NFATC1: variants seen among roughly 807,000 people sequenced by gnomAD.
The protein encoded by NFATC1 is nuclear factor of activated T cells 1.
A neutral mutation model predicts 76.0 loss-of-function variants in NFATC1; 22 were observed. The ratio of observed to expected loss-of-function variants is 0.29; its 90% CI spans 0.21 to 0.41. NFATC1 has a LOEUF of 0.41. Ranked by LOEUF, NFATC1 falls within the 10% of genes least tolerant of loss-of-function variation. The probability of loss-of-function intolerance (pLI) is 1.00; values close to 1 mark genes in which losing one functional copy is unlikely to be tolerated. For missense variants in NFATC1, 1,357 were observed against 1,337.7 expected (o/e 1.01, Z -0.23); for synonymous variants, 704 against 613.1 (o/e 1.15, Z -2.19).
chr18:79,471,469 T>A (rs548639004), intron 8 of NFATC1, among the ~76,000 whole-genome samples: 1 of 152,198 alleles, frequency 6.6e-6, no homozygotes, highest in East Asian at 1.9e-4. Flanking sequence ...AACGAGAAAA[T>A]AAAACATGAC....
chr18:79,480,969 C>A (rs939213435), intron 8 of NFATC1, among the ~76,000 whole-genome samples: 1 of 152,250 alleles, frequency 6.6e-6, no homozygotes, highest in Admixed American at 6.5e-5. Context: ...CTGAAAATTA[C>A]CAGCCTAATT....
At position 79,405,493 on chromosome 18, in the gene NFATC1, C is replaced by T. The variant is rs557506153; in HGVS notation, c.128-4910C>T. On this transcript the variant is annotated intron_variant, in intron 1 of 9. Coordinates refer to ENST00000427363, the MANE Select transcript of NFATC1 (RefSeq NM_001278669.2). ...TAGTTAAATAACTCAGATTTGAATA[C>T]GGTTTAGGTGGGTCATGAAACCAAA... Among the ~76,000 whole-genome samples the T allele has an allele frequency of 1.3e-4, 20 of 152,322 alleles. No individual in the cohort carries two copies. The South Asian group carries it at 3.1e-3, about 24-fold the overall frequency.
chr18:79,456,023 A>G (rs1308312114), intron 6 of NFATC1, among the ~76,000 whole-genome samples: 2 of 152,192 alleles, frequency 1.3e-5, no homozygotes, highest in Admixed American at 6.5e-5. Context: ...GGGCCTTTCC[A>G]AGGCTGCCCT....
At chr18:79,443,443 C>T (rs888048244) in intron 3 of NFATC1, among the ~76,000 whole-genome samples, 10 of 152,238 alleles carry the variant, frequency 6.6e-5, no homozygotes, top group Admixed American at 3.3e-4. Context: ...CAGGGCCTCT[C>T]GTGCAGGAAA....
intron 8 of NFATC1, among the ~76,000 whole-genome samples, chr18:79,473,894 C>T (rs2088900909): frequency 6.8e-6 from 1 of 146,558 alleles, no homozygotes; most frequent in Admixed American, 6.7e-5. Context: ...CTCACACTCA[C>T]TGTCGACGTT....
rs745948316 is a variant in NFATC1, at chr18:79,410,942, C to T, written c.667C>T (p.Arg223Cys). 1.6e-5 allele frequency: 25 copies of T among 1,603,166 alleles called. No individual in the cohort carries two copies. Among genetic ancestry groups the T allele is most frequent in the South Asian group, 2.2e-5 (2 of 89,796 alleles). ...CACGGACCCCGAGGAGGGCTTTCCC[C>T]GCGGGCTGGGGGCCTGCACACTGCT... ...KTTDPEEGFPRGLGACTLLGS... is the reference protein window; with the variant it reads ...KTTDPEEGFPCGLGACTLLGS... Residue 223 changes from arginine to cysteine, a missense_variant, in exon 2 of 10, where the codon CGC becomes TGC. Physicochemically the swap from Arg to Cys is radical, Grantham distance 180 (BLOSUM62 -3). Coordinates refer to ENST00000427363, the MANE Select transcript of NFATC1 (RefSeq NM_001278669.2). The surrounding 1 kb of genome is among the most constrained non-coding windows in gnomAD (Gnocchi z 6.7).
In NFATC1 at chr18:79,410,457, C is replaced by T. The variant is rs770793812; in HGVS notation, c.182C>T (p.Ala61Val). ...AGCCCCGCCCTGCCGCTCCCCACGG[C>T]GCACTCCACCCTGCCGGCCCCGTGC... is the stretch of plus-strand genomic sequence containing the variant. ...NVSPALPLPT[A>V]HSTLPAPCHN... Residue 61 changes from alanine to valine, a missense_variant, in exon 2 of 10, where the codon GCG becomes GTG. Ala to Val is a moderately conservative substitution (Grantham distance 64). This residue lies in a region of NFATC1 where 691 missense variants were observed against 613.1 expected (regional missense o/e 1.13). Transcript: ENST00000427363. The surrounding 1 kb of genome is among the most constrained non-coding windows in gnomAD (Gnocchi z 6.7). 3.1e-6 allele frequency: 5 copies of T among 1,612,270 alleles called. No homozygotes were observed. Among genetic ancestry groups the T allele is most frequent in the South Asian group, 1.1e-5 (1 of 91,032 alleles).
chr18:79,511,200 C>T (rs1423651752), intron 9 of NFATC1, among the ~76,000 whole-genome samples: 1 of 152,232 alleles, frequency 6.6e-6, no homozygotes, highest in African/African-American at 2.4e-5. Flanking sequence ...TTGGAATAGC[C>T]TCCACAAGAT....
rs2090705941 is a variant in NFATC1 at position 79,524,708 on chromosome 18, G to A, written c.2783-2820G>A. Among the ~76,000 whole-genome samples, 1 of 152,092 alleles carries A rather than the reference G, an allele frequency of 6.6e-6. No individual in the cohort carries two copies. Among genetic ancestry groups the A allele is most frequent in the African/African-American group, 2.4e-5 (1 of 41,406 alleles). ...AGACCCAGGCAGAGAGAGCAAAGGA[G>A]GCTGTGGTGGCCCCCGACGGGAACC... On this transcript the variant is annotated intron_variant, in intron 9 of 9. Transcript: ENST00000427363. This position sits in a 1 kb window ranked among gnomAD's most constrained non-coding sequence, Gnocchi z 7.2.
At chr18:79,398,605 C>T (rs1025089192) in intron 1 of NFATC1, among the ~76,000 whole-genome samples, 1 of 152,198 alleles carries the variant, frequency 6.6e-6, no homozygotes, top group Non-Finnish European at 1.5e-5. Context: ...GGATGGAGAC[C>T]AGTGCAGTCC....
chr18:79,412,112 T>C (rs2085712584), intron 2 of NFATC1, among the ~76,000 whole-genome samples: 1 of 152,222 alleles, frequency 6.6e-6, no homozygotes, highest in Non-Finnish European at 1.5e-5. Flanking sequence ...CTGGGGGAGC[T>C]CACGCGCCTT....
rs73969675 is a variant in NFATC1, at chr18:79,477,081, C to G, written c.2093-9167C>G. ...CCTGCTCTGGAAACTGATCTTGGCT[C>G]TGAACAAGGAGAAATGATGCCTCTC... On this transcript the variant is annotated intron_variant, in intron 8 of 9. Transcript: ENST00000427363. Among the ~76,000 whole-genome samples, 1,304 of 152,288 alleles carry G rather than the reference C, an allele frequency of 8.6e-3. 19 individuals carry two copies. Among genetic ancestry groups the G allele is most frequent in the African/African-American group, 0.029 (1,193 of 41,552 alleles).
At chr18:79,433,105 G>A (rs528375025) in intron 2 of NFATC1, among the ~76,000 whole-genome samples, 1 of 152,318 alleles carries the variant, frequency 6.6e-6, no homozygotes, top group African/African-American at 2.4e-5. Context: ...CATGGAATTT[G>A]GGGGCTGGCG....
At chr18:79,409,296 A>G (rs1414152349) in intron 1 of NFATC1, among the ~76,000 whole-genome samples, 2 of 133,326 alleles carry the variant, frequency 1.5e-5, no homozygotes. Flanking sequence ...TTATCTATCC[A>G]TCATCCATCC....
chr18:79,449,105 T>C (rs180785459), intron 4 of NFATC1, 121 bp downstream of exon 4: 8 of 924,242 alleles, frequency 8.7e-6, no homozygotes, highest in African/African-American at 8.4e-5. Context: ...CAGGACACTT[T>C]TGGTTTAACA....
chr18:79,423,266 C>T (rs926215085), intron 2 of NFATC1, among the ~76,000 whole-genome samples: 4 of 151,786 alleles, frequency 2.6e-5, no homozygotes, highest in South Asian at 4.1e-4. Flanking sequence ...TCCGGCCTCA[C>T]AGCCCAGATC....
At chr18:79,403,223 G>A (rs1039295440) in intron 1 of NFATC1, among the ~76,000 whole-genome samples, 13 of 152,260 alleles carry the variant, frequency 8.5e-5, no homozygotes, top group South Asian at 2.1e-4. Flanking sequence ...CACAGGTCCC[G>A]CGTCTTCACG....
chr18:79,434,962 C>T (rs1437604987), intron 3 of NFATC1, among the ~76,000 whole-genome samples: 1 of 152,190 alleles, frequency 6.6e-6, no homozygotes, highest in Non-Finnish European at 1.5e-5. Context: ...CGCACAGTGG[C>T]CCGTTTGACA....
chr18:79,515,620 C>T (rs1273018306), intron 9 of NFATC1, among the ~76,000 whole-genome samples: 9 of 152,124 alleles, frequency 5.9e-5, no homozygotes, highest in South Asian at 2.1e-4. Context: ...CTCTCTGCCA[C>T]CCTACAAAGA....
Sources: allele counts gnomAD v4.1 joint callset (sites outside exome capture counted in the v4.1 genomes callset), GRCh38; gene constraint gnomAD v4.1.1; regional missense constraint gnomAD v4.1.1; non-coding constraint Gnocchi (gnomAD v3.1); transcripts MANE v1.5; gene names NCBI Gene and HGNC (gene_info 2026-07-23, HGNC 2026-07-21).